The following NRXN1 variants were observed in gnomAD, a reference collection of about 807,000 sequenced individuals.
NRXN1 encodes the protein neurexin 1.
NRXN1 carries 39 observed loss-of-function variants against 150.9 expected under a neutral mutation model. The ratio of observed to expected loss-of-function variants is 0.26; its 90% CI spans 0.20 to 0.34. The LOEUF (loss-of-function observed/expected upper bound fraction) is 0.34. NRXN1 is among the 10% of genes least tolerant of loss of function. The pLI is 1.00. For synonymous variants in NRXN1, 924 were observed against 757.0 expected, an observed-to-expected ratio of 1.22 and a Z score of -3.62; for missense variants, 1,815 against 1,949.9, an observed-to-expected ratio of 0.93 and a Z score of 1.30.
intron 18 of NRXN1, among the ~76,000 whole-genome samples, chr2:50,219,673 G>GCCC (rs2152855122): frequency 6.6e-6 from 1 of 150,924 alleles, no homozygotes; most frequent in African/African-American, 2.4e-5. Flanking sequence ...GATCGCTTGA[G>GCCC]CCCAGGAGTT....
chr2:50,550,456 T>C (rs902851276), intron 9 of NRXN1, among the ~76,000 whole-genome samples: 5 of 152,018 alleles, frequency 3.3e-5, no homozygotes, highest in South Asian at 2.1e-4. Flanking sequence ...TCTAGATCTA[T>C]CTTAAGTCAA....
At chr2:50,962,396 A>G (rs1693346447) in intron 2 of NRXN1, among the ~76,000 whole-genome samples, 1 of 151,762 alleles carries the variant, frequency 6.6e-6, no homozygotes, top group African/African-American at 2.4e-5. Context: ...TTAAAACATC[A>G]GAACAATCCA....
chr2:50,597,653 T>G (rs1558995108), intron 8 of NRXN1, among the ~76,000 whole-genome samples: 1 of 152,206 alleles, frequency 6.6e-6, no homozygotes, highest in Non-Finnish European at 1.5e-5. Context: ...GAGAACCTGT[T>G]CTGCATTCCT....
At position 50,245,769 on chromosome 2, in the gene NRXN1, T is replaced by C. The variant is rs982121348; in HGVS notation, c.3365-8799A>G. 3.3e-5 allele frequency among the ~76,000 whole-genome samples: 5 copies of C among 151,652 alleles called. No homozygotes were observed. In the East Asian group the frequency reaches 7.8e-4, roughly 24 times the overall value. ...GTCCAGTTTAAAAAAAAAAATGACATAAACATAGAACTTACTGCCGAAATA... is the reference window on the plus strand; with the variant it reads ...GTCCAGTTTAAAAAAAAAAATGACACAAACATAGAACTTACTGCCGAAATA... On this transcript the variant is annotated intron_variant, in intron 17 of 22. Coordinates refer to ENST00000401669, the MANE Select transcript of NRXN1 (RefSeq NM_001330078.2).
intron 18 of NRXN1, among the ~76,000 whole-genome samples, chr2:50,227,705 G>C (rs1323272698): frequency 1.3e-5 from 2 of 151,968 alleles, no homozygotes; most frequent in Non-Finnish European, 2.9e-5. Flanking sequence ...TGGAGGCAGA[G>C]AGATTAGTTA....
At chr2:50,992,452 T>C (rs1698678613) in intron 2 of NRXN1, among the ~76,000 whole-genome samples, 1 of 152,000 alleles carries the variant, frequency 6.6e-6, no homozygotes, top group African/African-American at 2.4e-5. Flanking sequence ...ACAGTAGGCA[T>C]ATAATAGAAA....
At chr2:50,853,748 A>G (rs947815287) in intron 5 of NRXN1, among the ~76,000 whole-genome samples, 1 of 152,066 alleles carries the variant, frequency 6.6e-6, no homozygotes, top group African/African-American at 2.4e-5. Context: ...ACAAATTCTT[A>G]TCCATAAAAG....
chr2:50,523,458 C>G (rs1445812259), intron 12 of NRXN1, among the ~76,000 whole-genome samples: 2 of 152,158 alleles, frequency 1.3e-5, no homozygotes, highest in African/African-American at 2.4e-5. Context: ...TGAATATTTA[C>G]TTTATGTTAA....
chr2:50,502,443 T>TAC (rs34489394), intron 13 of NRXN1, among the ~76,000 whole-genome samples: 44,231 of 151,102 alleles, frequency 0.29, 7,334 homozygotes, highest in South Asian at 0.39. Flanking sequence ...AGGGAATAAA[T>TAC]ACACACACAC....
At chr2:49,995,799 A>AAAGATAGG (rs1267931821) in intron 21 of NRXN1, among the ~76,000 whole-genome samples, 1 of 147,966 alleles carries the variant, frequency 6.8e-6, no homozygotes, top group African/African-American at 2.5e-5. Context: ...AAAAAAAAAA[A>AAAGATAGG]AAAGATAGGA....
intron 17 of NRXN1, among the ~76,000 whole-genome samples, chr2:50,238,854 T>G (rs186039190): frequency 6.6e-6 from 1 of 151,874 alleles, no homozygotes; most frequent in Admixed American, 6.6e-5. Context: ...TAGGAGAAAA[T>G]TGAATGCAAA....
chr2:50,164,811 C>A (rs576132003), intron 18 of NRXN1, among the ~76,000 whole-genome samples: 3 of 152,142 alleles, frequency 2.0e-5, no homozygotes, highest in African/African-American at 7.2e-5. Flanking sequence ...GTTCTCCGTT[C>A]TCCGTCAAAA....
chr2:50,753,806 C>G (rs1288960788), intron 5 of NRXN1, among the ~76,000 whole-genome samples: 1 of 151,320 alleles, frequency 6.6e-6, no homozygotes, highest in Non-Finnish European at 1.5e-5. Context: ...CAAGGTAATC[C>G]CTAAGTGAGA....
At chr2:50,685,847 G>T (rs1347464799) in intron 5 of NRXN1, among the ~76,000 whole-genome samples, 4 of 152,180 alleles carry the variant, frequency 2.6e-5, no homozygotes, top group African/African-American at 9.6e-5. Context: ...ATAGCAAACT[G>T]GTTTTAATGT....
At chr2:50,024,706 C>T (rs935542079) in intron 21 of NRXN1, among the ~76,000 whole-genome samples, 1 of 151,988 alleles carries the variant, frequency 6.6e-6, no homozygotes, top group African/African-American at 2.4e-5. Flanking sequence ...CCTTTGCCTC[C>T]AGGATTCAAG....
At chr2:50,554,511 C>T (rs1667954093) in intron 8 of NRXN1, 1 of 152,148 alleles carries the variant, frequency 6.6e-6, no homozygotes, top group Non-Finnish European at 1.5e-5. Flanking sequence ...TAATACTTCA[C>T]ATAATGGTTA....
chr2:50,416,039 C>T (rs192984146), intron 17 of NRXN1, among the ~76,000 whole-genome samples: 2 of 151,696 alleles, frequency 1.3e-5, no homozygotes, highest in East Asian at 3.9e-4. Flanking sequence ...TATATGGTAG[C>T]CCTATCCTAG....
At chr2:50,945,869 G>A (rs1256714162) in intron 2 of NRXN1, among the ~76,000 whole-genome samples, 2 of 129,250 alleles carry the variant, frequency 1.5e-5, no homozygotes, top group African/African-American at 6.1e-5. Context: ...AAGTACTTCA[G>A]AAAAACAGAT....
chr2:50,914,207 ATGTATCTG>A (rs1342039107), intron 5 of NRXN1, among the ~76,000 whole-genome samples: 1 of 151,498 alleles, frequency 6.6e-6, no homozygotes, highest in African/African-American at 2.4e-5. Context: ...ACATACAATA[ATGTATCTG>A]TGTGCTGAGA....
Sources: allele counts gnomAD v4.1 joint callset (sites outside exome capture counted in the v4.1 genomes callset), GRCh38; gene constraint gnomAD v4.1.1; transcripts MANE v1.5; gene names NCBI Gene and HGNC (gene_info 2026-07-23, HGNC 2026-07-21).